Variants in LRRFIP1 observed in about 807,000 individuals in gnomAD.
LRRFIP1 encodes LRR binding FLII interacting protein 1.
Under a neutral mutation model 104.4 loss-of-function variants are expected in LRRFIP1, and 62 were observed. The ratio of observed to expected loss-of-function variants is 0.59; its 90% CI spans 0.48 to 0.73. The LOEUF (loss-of-function observed/expected upper bound fraction) is 0.73. LRRFIP1 is among the 30% of genes least tolerant of loss of function. LRRFIP1 has a pLI of 0.00. For missense variants in LRRFIP1, 796 were observed against 824.5 expected, an observed-to-expected ratio of 0.97 and a Z score of 0.42; for synonymous variants, 300 against 299.0, an observed-to-expected ratio of 1.00 and a Z score of -0.03.
intron 19 of LRRFIP1, chr2:237,764,215 A>T (rs1481726862): frequency 6.2e-7 from 1 of 1,613,226 alleles, no homozygotes; most frequent in Non-Finnish European, 8.5e-7. Flanking sequence ...TGCCAATGTA[A>T]GTAGAATGTT....
intron 1 of LRRFIP1, among the ~76,000 whole-genome samples, chr2:237,694,980 T>C (rs1172549432): frequency 6.6e-6 from 1 of 152,162 alleles, no homozygotes; most frequent in African/African-American, 2.4e-5. Flanking sequence ...TCATTATAGG[T>C]ACCTGGGCCA....
intron 10 of LRRFIP1, among the ~76,000 whole-genome samples, chr2:237,737,847 C>T (rs536748752): frequency 6.6e-6 from 1 of 152,284 alleles, no homozygotes; most frequent in South Asian, 2.1e-4. Flanking sequence ...TCTGAAACAA[C>T]GTCTTGCCCC....
chr2:237,726,883 A>T (rs1396222963), intron 7 of LRRFIP1, among the ~76,000 whole-genome samples: 1 of 152,196 alleles, frequency 6.6e-6, no homozygotes, highest in Non-Finnish European at 1.5e-5. Flanking sequence ...GAAGAGAGGG[A>T]TGATAGGCAT....
At chr2:237,684,717 G>A (rs2092193568) in intron 1 of LRRFIP1, among the ~76,000 whole-genome samples, 1 of 152,086 alleles carries the variant, frequency 6.6e-6, no homozygotes, top group African/African-American at 2.4e-5. Flanking sequence ...GTAAGACTGA[G>A]AAATACATAA....
At chr2:237,757,351 T>C in intron 16 of LRRFIP1, 105 bp from the exon 17 acceptor site, 1 of 687,278 alleles carries the variant, frequency 1.5e-6, no homozygotes, top group South Asian at 1.8e-5. Flanking sequence ...GGTGAAAGAG[T>C]GCTTGCGGCC....
chr2:237,668,232 C>T (rs1438940554), intron 1 of LRRFIP1, among the ~76,000 whole-genome samples: 1 of 152,098 alleles, frequency 6.6e-6, no homozygotes, highest in Non-Finnish European at 1.5e-5. Context: ...AGTCCATCTG[C>T]TTCCAAGATT....
chr2:237,757,743 G>T (rs187176040), intron 17 of LRRFIP1, among the ~76,000 whole-genome samples, 195 bp downstream of exon 17: 1 of 152,074 alleles, frequency 6.6e-6, no homozygotes, highest in Non-Finnish European at 1.5e-5. Flanking sequence ...TATGAACTTG[G>T]ATTGTGACAC....
intron 8 of LRRFIP1, among the ~76,000 whole-genome samples, chr2:237,730,874 C>T (rs2094969708): frequency 6.6e-6 from 1 of 152,210 alleles, no homozygotes; most frequent in African/African-American, 2.4e-5. Context: ...GCCAAGATTG[C>T]ACCACTGCAC....
chr2:237,733,363 C>G (rs1308881462), intron 8 of LRRFIP1, among the ~76,000 whole-genome samples: 2 of 152,214 alleles, frequency 1.3e-5, no homozygotes, highest in Admixed American at 6.5e-5. Context: ...CTGCTCCTGT[C>G]TTCATGTGTG....
chr2:237,699,446 G>A (rs556702474), intron 1 of LRRFIP1, among the ~76,000 whole-genome samples: 4 of 149,192 alleles, frequency 2.7e-5, no homozygotes, highest in South Asian at 2.1e-4. Flanking sequence ...TCCGCCTCCC[G>A]GGTTCAAGTG....
At chr2:237,710,487 G>A (rs577951904) in intron 2 of LRRFIP1, among the ~76,000 whole-genome samples, 25 of 151,872 alleles carry the variant, frequency 1.6e-4, no homozygotes, top group African/African-American at 5.3e-4. Context: ...GGGTTTCACC[G>A]TGTTAGCCAG....
At position 237,763,914 on chromosome 2, in the gene LRRFIP1, C is replaced by T. The variant is rs142698219; in HGVS notation, c.1459+3709C>T. 1,527 of 1,614,106 alleles carry T rather than the reference C, an allele frequency of 9.5e-4. 2 individuals are homozygous for T. The highest frequency in any genetic ancestry group is 1.5e-3 in the Admixed American group (90 of 60,012). ...TGCACCCTGCCCGAACATGAAAGTC[C>T]CTCACAGGACATTAGTGATGCCTGT... is the stretch of plus-strand genomic sequence containing the variant. On this transcript the variant is annotated intron_variant, in intron 19 of 23. Coordinates refer to ENST00000308482, the MANE Select transcript of LRRFIP1 (RefSeq NM_001137550.2).
At chr2:237,674,613 C>A (rs2090859197) in intron 1 of LRRFIP1, among the ~76,000 whole-genome samples, 1 of 152,224 alleles carries the variant, frequency 6.6e-6, no homozygotes, top group African/African-American at 2.4e-5. Context: ...CAGAGGGATT[C>A]TTAACCTTGG....
intron 1 of LRRFIP1, among the ~76,000 whole-genome samples, chr2:237,681,244 C>T (rs1430316331): frequency 6.6e-6 from 1 of 152,208 alleles, no homozygotes; most frequent in African/African-American, 2.4e-5. Context: ...CTGACAATAT[C>T]CAAGGGTGTT....
chr2:237,759,797 G>A (rs2059673551), intron 18 of LRRFIP1, among the ~76,000 whole-genome samples: 1 of 152,140 alleles, frequency 6.6e-6, no homozygotes. Context: ...TAGTTAAAAA[G>A]GATGCCTGGT....
intron 9 of LRRFIP1, among the ~76,000 whole-genome samples, chr2:237,734,125 T>C (rs764757511): frequency 6.6e-6 from 1 of 152,216 alleles, no homozygotes; most frequent in Non-Finnish European, 1.5e-5. Flanking sequence ...GAAAGAATGG[T>C]GGCTTTTTAA....
At chr2:237,700,523 T>C (rs1326883956) in intron 1 of LRRFIP1, among the ~76,000 whole-genome samples, 2 of 152,240 alleles carry the variant, frequency 1.3e-5, no homozygotes, top group Non-Finnish European at 2.9e-5. Context: ...TGCTTGACGC[T>C]AAAACCTGGA....
chr2:237,752,976 C>T (rs372612125), intron 14 of LRRFIP1, among the ~76,000 whole-genome samples: 6 of 152,196 alleles, frequency 3.9e-5, no homozygotes, highest in Admixed American at 1.3e-4. Context: ...AGCCCTAGGA[C>T]GCCGTGCTGG....
chr2:237,689,889 T>A (rs1387498799), intron 1 of LRRFIP1, among the ~76,000 whole-genome samples: 1 of 152,214 alleles, frequency 6.6e-6, no homozygotes, highest in Non-Finnish European at 1.5e-5. Flanking sequence ...CCCAGCGGGA[T>A]CCCCGTGTTA....
Sources: allele counts gnomAD v4.1 joint callset (sites outside exome capture counted in the v4.1 genomes callset), GRCh38; gene constraint gnomAD v4.1.1; transcripts MANE v1.5; gene names NCBI Gene and HGNC (gene_info 2026-07-23, HGNC 2026-07-21).